The following ATP11B variants were observed in gnomAD, a reference collection of about 807,000 sequenced individuals.
ATP11B encodes the protein phospholipid-transporting ATPase IF.
Under a neutral mutation model 157.8 loss-of-function variants are expected in ATP11B, and 81 were observed. The observed-to-expected ratio is 0.51, with a 90% confidence interval of 0.43 to 0.62. The LOEUF (loss-of-function observed/expected upper bound fraction) is 0.62, where lower values mean the gene tolerates loss of function less well. Ranked by LOEUF, ATP11B falls within the 20% of genes least tolerant of loss-of-function variation. ATP11B has a pLI of 0.00. For missense variants in ATP11B, 1,165 were observed against 1,402.2 expected, an observed-to-expected ratio of 0.83 and a Z score of 2.70; for synonymous variants, 451 against 469.4, an observed-to-expected ratio of 0.96 and a Z score of 0.51.
intron 28 of ATP11B, among the ~76,000 whole-genome samples, chr3:182,909,636 G>T (rs937534415): frequency 1.3e-5 from 2 of 152,018 alleles, no homozygotes; most frequent in African/African-American, 4.8e-5. Context: ...ACTCTGGCCC[G>T]AGCTCCCAGT....
chr3:182,844,767 T>C (rs1719336155), intron 8 of ATP11B: 1 of 161,920 alleles, frequency 6.2e-6, no homozygotes, highest in Non-Finnish European at 1.3e-5. Context: ...TTCAAAGCTG[T>C]TTATTAACTT....
intron 18 of ATP11B, 57 bp downstream of exon 18, chr3:182,872,594 A>G: frequency 7.3e-7 from 1 of 1,364,180 alleles, no homozygotes; most frequent in South Asian, 1.5e-5. Context: ...TTTTGTAACC[A>G]AGTATTCTAA....
chr3:182,869,422 T>G (rs575108049), intron 17 of ATP11B, 91 bp downstream of exon 17: 5 of 896,930 alleles, frequency 5.6e-6, no homozygotes, highest in Non-Finnish European at 8.2e-6. Flanking sequence ...TCAAAAATTG[T>G]GGACATTCTG....
chr3:182,839,905 G>A (rs892768499), intron 7 of ATP11B, among the ~76,000 whole-genome samples: 6 of 152,098 alleles, frequency 3.9e-5, no homozygotes, highest in Non-Finnish European at 7.4e-5. Context: ...GAGCCACCCC[G>A]CCCAGCCTAA....
At chr3:182,823,238 A>G (rs1717484427) in intron 2 of ATP11B, among the ~76,000 whole-genome samples, 1 of 152,098 alleles carries the variant, frequency 6.6e-6, no homozygotes, top group South Asian at 2.1e-4. Context: ...TAGGGTTTTT[A>G]TGGTTTTAGG....
rs759634211 is a variant in ATP11B at position 182,828,126 on chromosome 3, G to A, written c.151G>A (p.Val51Met). The change falls in exon 3 of 30, where the codon GTG becomes ATG. Residue 51 changes from valine (V) to methionine (M), a missense_variant. By Grantham distance (21) the Val-to-Met change is conservative. Around this residue, in one of 4 missense-constraint regions of ATP11B, gnomAD observed 91 missense variants for 95.8 expected, o/e 0.95. Coordinates refer to ENST00000323116, the MANE Select transcript of ATP11B (RefSeq NM_014616.3). ...DNRIISSKYTVWNFVPKNLFE... is the reference protein window; with the variant it reads ...DNRIISSKYTMWNFVPKNLFE... Reference sequence around the variant, plus strand: ...TTGATCTCTTTCTTTTTAGTACACTGTGTGGAATTTTGTTCCAAAAAATTT... The same window carrying A: ...TTGATCTCTTTCTTTTTAGTACACTATGTGGAATTTTGTTCCAAAAAATTT... 1.4e-6 allele frequency: 2 copies of A among 1,412,818 alleles called. No individual in the cohort carries two copies. Among genetic ancestry groups the A allele is most frequent in the Non-Finnish European group, 9.6e-7 (1 of 1,040,762 alleles). 87.5% of individuals were successfully genotyped at this position (1,412,818 alleles called of 1,614,324 possible). A position where few individuals can be genotyped will look rare whatever the true frequency, so the allele number is the denominator to read the frequency against.
Position 182,917,457 on chromosome 3 carries a change from T to C in ATP11B, c.3453-566T>C, listed in dbSNP as rs908109942. 8 of 985,230 alleles carry C rather than the reference T, an allele frequency of 8.1e-6. No individual in the cohort carries two copies. In the African/African-American group the frequency reaches 1.4e-4, roughly 17 times the overall value. 61.0% of individuals were successfully genotyped at this position (985,230 alleles called of 1,614,324 possible). A position where few individuals can be genotyped will look rare whatever the true frequency, so the allele number is the denominator to read the frequency against. ...ACACCAGTTAACTTTTCCAGACCAG[T>C]AGAGGATCGTTTGTCCTTATTAAGT... On this transcript the variant is annotated intron_variant, in intron 29 of 29. Coordinates refer to ENST00000323116, the MANE Select transcript of ATP11B (RefSeq NM_014616.3).
At chr3:182,913,537 A>G (rs1458270201) in intron 28 of ATP11B, among the ~76,000 whole-genome samples, 1 of 152,254 alleles carries the variant, frequency 6.6e-6, no homozygotes, top group East Asian at 1.9e-4. Context: ...GGAATTCATT[A>G]CATTCCTGAG....
chr3:182,852,378 G>T (rs1055150801), intron 10 of ATP11B, among the ~76,000 whole-genome samples: 1 of 152,200 alleles, frequency 6.6e-6, no homozygotes, highest in African/African-American at 2.4e-5. Context: ...AATTACGAAT[G>T]TCAGGGATGA....
intron 19 of ATP11B, 147 bp from the exon 20 acceptor site, chr3:182,879,349 C>G: frequency 1.7e-6 from 1 of 605,074 alleles, no homozygotes; most frequent in South Asian, 3.8e-5. Context: ...GGTAGTAAAA[C>G]AGTTTGTTTC....
At chr3:182,881,065 A>ATTTTCTT (rs1560109564) in intron 21 of ATP11B, 84 bp downstream of exon 21, 2 of 1,006,242 alleles carry the variant, frequency 2.0e-6, no homozygotes, top group Non-Finnish European at 2.9e-6. Context: ...CTTTTTGTAG[A>ATTTTCTT]TTAAAGTACA....
Position 182,854,862 on chromosome 3 carries a change from G to C in ATP11B, c.852-3016G>C, listed in dbSNP as rs73050671. On this transcript the variant is annotated intron_variant, in intron 10 of 29. Transcript: ENST00000323116. ...AAAAAAAATGGGCAAAAGGTGGAAGGTAACCACCTTTTGTCATCTTTTCAG... is the reference window on the plus strand; with the variant it reads ...AAAAAAAATGGGCAAAAGGTGGAAGCTAACCACCTTTTGTCATCTTTTCAG... Among the ~76,000 whole-genome samples, 648 of 151,496 alleles carry C rather than the reference G, an allele frequency of 4.3e-3. 7 individuals carry two copies. The highest frequency in any genetic ancestry group is 0.015 in the African/African-American group (599 of 41,230).
At chr3:182,900,547 A>C (rs1224377442) in intron 28 of ATP11B, among the ~76,000 whole-genome samples, 1 of 152,110 alleles carries the variant, frequency 6.6e-6, no homozygotes, top group East Asian at 1.9e-4. Flanking sequence ...ACTCTGCAAT[A>C]TATTACTTAA....
chr3:182,853,601 G>GT (rs905124180), intron 10 of ATP11B, among the ~76,000 whole-genome samples: 8 of 151,590 alleles, frequency 5.3e-5, no homozygotes, highest in Non-Finnish European at 8.8e-5. Flanking sequence ...TTAGGAATAA[G>GT]TTTTTTTTTA....
intron 1 of ATP11B, among the ~76,000 whole-genome samples, chr3:182,816,097 CT>C (rs34711678): frequency 5.4e-5 from 8 of 149,040 alleles, no homozygotes; most frequent in East Asian, 2.0e-4. Context: ...TATTCACCCA[CT>C]TTTTTTTTTG....
intron 28 of ATP11B, among the ~76,000 whole-genome samples, chr3:182,912,350 G>C (rs1724852585): frequency 6.6e-6 from 1 of 152,118 alleles, no homozygotes. Context: ...CCCCCATGGA[G>C]ATGACCATGT....
At position 182,853,581 on chromosome 3, in the gene ATP11B, C is replaced by T. The variant is rs1361919180; in HGVS notation, c.852-4297C>T. ...TTATATTTACAGTAGTATCAAAAAG[C>T]GTAATATATTTAGGAATAAGTTTTT... On this transcript the variant is annotated intron_variant, in intron 10 of 29. Transcript: ENST00000323116. Among the ~76,000 whole-genome samples, 4 of 151,800 alleles carry T rather than the reference C, an allele frequency of 2.6e-5. No individual in the cohort carries two copies. In the South Asian group the frequency reaches 6.2e-4, roughly 24 times the overall value.
rs553939101 is a variant in ATP11B at position 182,837,082 on chromosome 3, A to G, written c.564A>G (p.Ala188=). 4 of 1,612,352 alleles carry G rather than the reference A, an allele frequency of 2.5e-6. No individual in the cohort carries two copies. Among genetic ancestry groups the G allele is most frequent in the African/African-American group, 2.7e-5 (2 of 74,982 alleles). The change falls in exon 7 of 30, where the codon GCA becomes GCG. Residue 188 remains alanine (A), a synonymous_variant. Transcript: ENST00000323116. ...DGETNLKTHV[A]VPETALLQTV... is the part of the protein sequence containing the mutation. ...TTCATTTTTTTCAGACACATGTGGC[A>G]GTTCCAGAAACAGCATTATTACAAA...
chr3:182,917,900 C>A (rs1192493832), intron 29 of ATP11B, 123 bp from the exon 30 acceptor site: 6 of 1,402,542 alleles, frequency 4.3e-6, no homozygotes, highest in Non-Finnish European at 5.6e-6. Context: ...TGAAGAACCT[C>A]TCTTTAGTAT....
Sources: allele counts gnomAD v4.1 joint callset (sites outside exome capture counted in the v4.1 genomes callset), GRCh38; gene constraint gnomAD v4.1.1; regional missense constraint gnomAD v4.1.1; transcripts MANE v1.5; gene names NCBI Gene and HGNC (gene_info 2026-07-23, HGNC 2026-07-21).